The following NXPE2 variants were observed in gnomAD, a reference collection of about 807,000 sequenced individuals.
NXPE2 encodes the protein NXPE family member 2.
In NXPE2, 34 loss-of-function variants were observed where a neutral mutation model predicts 34.4. That is an observed-to-expected ratio of 0.99 (90% CI 0.75 to 1.31). The LOEUF (loss-of-function observed/expected upper bound fraction) is 1.31, where lower values mean the gene tolerates loss of function less well. Among genes scored for constraint, NXPE2 ranks in the 40% most tolerant of loss-of-function variants. The probability of loss-of-function intolerance (pLI) is 0.00; values close to 1 mark genes in which losing one functional copy is unlikely to be tolerated. For missense variants in NXPE2, 649 were observed against 672.5 expected (o/e 0.97, Z 0.39); for synonymous variants, 235 against 231.3 (o/e 1.02, Z -0.15).
chr11:114,666,732 T>C, the NXPE2 span, among the ~76,000 whole-genome samples: 4 of 152,128 alleles, frequency 2.6e-5, no homozygotes, highest in African/African-American at 9.7e-5. Context: ...CATATGCATG[T>C]GAGAAGCTTT....
At chr11:114,798,734 T>C in the NXPE2 span, among the ~76,000 whole-genome samples, 3 of 152,218 alleles carry the variant, frequency 2.0e-5, no homozygotes, top group African/African-American at 4.8e-5. Flanking sequence ...ATAAACCATA[T>C]CTCTTTCATG....
At chr11:114,686,553 A>G (rs951267555) in intron 2 of NXPE2, among the ~76,000 whole-genome samples, 1 of 152,150 alleles carries the variant, frequency 6.6e-6, no homozygotes, top group African/African-American at 2.4e-5. Context: ...TGACTTTGCT[A>G]TTGTGAATAG....
the NXPE2 span, among the ~76,000 whole-genome samples, chr11:114,745,962 A>G: frequency 1.3e-5 from 2 of 152,148 alleles, no homozygotes; most frequent in African/African-American, 4.8e-5. Context: ...ATAAAATTGT[A>G]ATACTCATAT....
the NXPE2 span, among the ~76,000 whole-genome samples, chr11:114,613,015 C>T: frequency 6.6e-6 from 1 of 151,890 alleles, no homozygotes; most frequent in South Asian, 2.1e-4. Flanking sequence ...AGTGTTGCCT[C>T]TAGGGTAACC....
the NXPE2 span, among the ~76,000 whole-genome samples, chr11:114,617,450 A>T: frequency 7.2e-6 from 1 of 139,242 alleles, no homozygotes; most frequent in Non-Finnish European, 1.6e-5. Flanking sequence ...TGCCTCGTGG[A>T]TAACCACTGT....
the NXPE2 span, among the ~76,000 whole-genome samples, chr11:114,567,572 C>T: frequency 6.6e-6 from 1 of 151,956 alleles, no homozygotes; most frequent in Non-Finnish European, 1.5e-5. Context: ...CTTATAGTCA[C>T]TCATTTATCA....
rs1345959433 is a variant in NXPE2, at chr11:114,704,199, G to C, written c.928+147G>C. ...CAACCACCTTGGGTTTTAGAGAAGG[G>C]ATTTTATTCTTGGAAATTATTTTCA... On this transcript the variant is annotated intron_variant, in intron 4 of 5. Coordinates refer to ENST00000389586, the MANE Select transcript of NXPE2 (RefSeq NM_182495.6). 11 of 604,804 alleles carry C rather than the reference G, an allele frequency of 1.8e-5. No homozygotes were observed. In the South Asian group the frequency reaches 2.5e-4, roughly 14 times the overall value. The allele number at this position is 604,804 out of a possible 1,614,324, so 37.5% of individuals were successfully genotyped here. A position where few individuals can be genotyped will look rare whatever the true frequency, so the allele number is the denominator to read the frequency against.
At chr11:114,625,686 T>A in the NXPE2 span, among the ~76,000 whole-genome samples, 33 of 152,014 alleles carry the variant, frequency 2.2e-4, no homozygotes, top group African/African-American at 6.8e-4. Context: ...GATGGCCGAG[T>A]AGGAACAGCC....
At chr11:114,772,444 T>C in the NXPE2 span, among the ~76,000 whole-genome samples, 1 of 152,210 alleles carries the variant, frequency 6.6e-6, no homozygotes, top group South Asian at 2.1e-4. Context: ...TTAGGAGACA[T>C]TGGGTGATAG....
At chr11:114,612,806 G>T in the NXPE2 span, among the ~76,000 whole-genome samples, 1 of 151,832 alleles carries the variant, frequency 6.6e-6, no homozygotes, top group Non-Finnish European at 1.5e-5. Context: ...GTGTTGCCTC[G>T]TGGGAAAGCA....
At chr11:114,598,331 G>C in the NXPE2 span, among the ~76,000 whole-genome samples, 2 of 32,392 alleles carry the variant, frequency 6.2e-5, no homozygotes, top group Admixed American at 5.4e-4. Flanking sequence ...CAGAGTGCAA[G>C]CTGCCAGTGT....
At chr11:114,639,940 TATAAC>T in the NXPE2 span, among the ~76,000 whole-genome samples, 1 of 111,226 alleles carries the variant, frequency 9.0e-6, no homozygotes, top group Non-Finnish European at 1.6e-5. Flanking sequence ...TTATATTAAA[TATAAC>T]ATAATAGTTT....
the NXPE2 span, among the ~76,000 whole-genome samples, chr11:114,599,295 C>T: frequency 6.6e-6 from 1 of 152,176 alleles, no homozygotes; most frequent in Non-Finnish European, 1.5e-5. Flanking sequence ...CTTCTGAGAC[C>T]TCCTCAGACT....
the NXPE2 span, among the ~76,000 whole-genome samples, chr11:114,506,690 C>G: frequency 6.6e-6 from 1 of 152,220 alleles, no homozygotes; most frequent in South Asian, 2.1e-4. Context: ...CTAATGAGGA[C>G]AAAGATATCA....
the NXPE2 span, among the ~76,000 whole-genome samples, chr11:114,763,226 C>T: frequency 6.6e-6 from 1 of 152,190 alleles, no homozygotes; most frequent in African/African-American, 2.4e-5. Context: ...CCCTCAGCAC[C>T]CTGTCCTTTC....
At chr11:114,571,594 A>G in the NXPE2 span, 1 of 934,944 alleles carries the variant, frequency 1.1e-6, no homozygotes. Flanking sequence ...CTAATTTATT[A>G]TAGGTTTAGA....
chr11:114,605,681 A>G, the NXPE2 span, among the ~76,000 whole-genome samples: 1 of 151,754 alleles, frequency 6.6e-6, no homozygotes, highest in Non-Finnish European at 1.5e-5. Flanking sequence ...CTCATGTGTA[A>G]CCATTGTTAC....
chr11:114,788,292 G>A, the NXPE2 span, among the ~76,000 whole-genome samples: 719 of 152,320 alleles, frequency 4.7e-3, 3 homozygotes, highest in Non-Finnish European at 8.2e-3. Context: ...GAGAGGACCA[G>A]CCATGTGGAA....
the NXPE2 span, among the ~76,000 whole-genome samples, chr11:114,806,132 G>A: frequency 6.6e-6 from 1 of 152,178 alleles, no homozygotes; most frequent in Non-Finnish European, 1.5e-5. Context: ...GCAGCTGAGG[G>A]TCCTGTCTGT....
Sources: allele counts gnomAD v4.1 joint callset (sites outside exome capture counted in the v4.1 genomes callset), GRCh38; gene constraint gnomAD v4.1.1; transcripts MANE v1.5; gene names NCBI Gene and HGNC (gene_info 2026-07-23, HGNC 2026-07-21).